Variants in GLIS1 observed in about 807,000 individuals in gnomAD.
GLIS1 encodes zinc finger protein GLIS1.
In GLIS1, 24 loss-of-function variants were observed where a neutral mutation model predicts 63.8. The ratio of observed to expected loss-of-function variants is 0.38; its 90% CI spans 0.27 to 0.53. The LOEUF is 0.53. GLIS1 is among the 20% of genes least tolerant of loss of function. GLIS1 has a pLI of 0.85. For missense variants in GLIS1, 1,036 were observed against 1,074.1 expected, an observed-to-expected ratio of 0.96 and a Z score of 0.50; for synonymous variants, 450 against 482.5, an observed-to-expected ratio of 0.93 and a Z score of 0.88.
intron 4 of GLIS1, among the ~76,000 whole-genome samples, chr1:53,565,730 A>G (rs1462564568): frequency 6.6e-6 from 1 of 152,084 alleles, no homozygotes; most frequent in East Asian, 1.9e-4. Flanking sequence ...AAATCTTTCC[A>G]CAAAGATAGT....
intron 2 of GLIS1, among the ~76,000 whole-genome samples, chr1:53,705,066 G>GA (rs981981708): frequency 6.6e-6 from 1 of 152,196 alleles, no homozygotes; most frequent in Non-Finnish European, 1.5e-5. Flanking sequence ...AAGAGTGAAG[G>GA]AGGCATTTTG....
At chr1:53,522,711 C>A (rs1036844842) in intron 6 of GLIS1, among the ~76,000 whole-genome samples, 1 of 151,988 alleles carries the variant, frequency 6.6e-6, no homozygotes, top group African/African-American at 2.4e-5. Context: ...GAGTTTGAAA[C>A]CAGCCTGGAC....
intron 8 of GLIS1, 55 bp downstream of exon 8, chr1:53,514,570 C>A: frequency 6.4e-7 from 1 of 1,565,336 alleles, no homozygotes; most frequent in South Asian, 1.1e-5. Context: ...CTCCCTGCCT[C>A]CCCCCGAGAT....
intron 8 of GLIS1, among the ~76,000 whole-genome samples, chr1:53,510,372 C>G (rs546101195): frequency 6.6e-6 from 1 of 152,124 alleles, no homozygotes; most frequent in Non-Finnish European, 1.5e-5. Flanking sequence ...GTTTCCTGGA[C>G]GGGCTGCTGG....
chr1:53,681,709 A>G (rs1646277121), intron 2 of GLIS1, among the ~76,000 whole-genome samples: 1 of 152,232 alleles, frequency 6.6e-6, no homozygotes, highest in Non-Finnish European at 1.5e-5. Flanking sequence ...CACCCCACAA[A>G]GACTTGTGAA....
intron 8 of GLIS1, among the ~76,000 whole-genome samples, chr1:53,513,230 G>A (rs1007539953): frequency 1.7e-4 from 26 of 152,138 alleles, no homozygotes; most frequent in African/African-American, 4.1e-4. Flanking sequence ...ACTGCCTTCC[G>A]GGCTCCCCCT....
chr1:53,602,330 C>T lies in GLIS1; in HGVS notation c.260-2052G>A, dbSNP rs559249478. On this transcript the variant is annotated intron_variant, in intron 2 of 10. Transcript: ENST00000628545. Reference sequence around the variant, plus strand: ...GTTTCTGCATGCAATTTTATTGTCCCATTGAGGCAAACCCTGGGACTGGGC... The same window carrying T: ...GTTTCTGCATGCAATTTTATTGTCCTATTGAGGCAAACCCTGGGACTGGGC... 5.9e-5 allele frequency among the ~76,000 whole-genome samples: 9 copies of T among 152,230 alleles called. No individual in the cohort carries two copies. In the East Asian group the frequency reaches 1.7e-3, roughly 29 times the overall value.
intron 5 of GLIS1, among the ~76,000 whole-genome samples, chr1:53,529,399 G>A (rs745841061): frequency 2.0e-5 from 3 of 152,200 alleles, no homozygotes; most frequent in Non-Finnish European, 2.9e-5. Context: ...TGGCTGACAG[G>A]TTCTGGGGAG....
rs545095265 is a variant in GLIS1, at chr1:53,675,741, G to A, written c.259+62065C>T. ...CTTATAGAGATGCAGCTCTCACACA[G>A]AGGCACAGAGCAGCAAAGTCCGGAC... is the stretch of plus-strand genomic sequence containing the variant. On this transcript the variant is annotated intron_variant, in intron 2 of 10. Transcript: ENST00000628545. 2.0e-5 allele frequency among the ~76,000 whole-genome samples: 3 copies of A among 152,280 alleles called. No homozygotes were observed. The East Asian group carries it at 5.8e-4, about 29-fold the overall frequency.
At chr1:53,716,789 T>C (rs1169588393) in intron 2 of GLIS1, among the ~76,000 whole-genome samples, 2 of 152,246 alleles carry the variant, frequency 1.3e-5, no homozygotes, top group East Asian at 3.9e-4. Context: ...GGGGGATTTC[T>C]AGAAACCGGC....
intron 2 of GLIS1, among the ~76,000 whole-genome samples, chr1:53,723,239 CT>C (rs111541690): frequency 0.25 from 35,894 of 141,152 alleles, 4,364 homozygotes; most frequent in African/African-American, 0.33. Flanking sequence ...TATTTATTTA[CT>C]TTTTTTTTTT....
Position 53,677,383 on chromosome 1 carries a change from G to A in GLIS1, c.259+60423C>T, listed in dbSNP as rs529863970. ...GCGGTACAGGCAGTGGGGATGGCGCGGGGGCAGGAATTCGAGTCTGCCAGG... is the reference window on the plus strand; with the variant it reads ...GCGGTACAGGCAGTGGGGATGGCGCAGGGGCAGGAATTCGAGTCTGCCAGG... On this transcript the variant is annotated intron_variant, in intron 2 of 10. Transcript: ENST00000628545. 5.9e-5 allele frequency among the ~76,000 whole-genome samples: 9 copies of A among 152,234 alleles called. No individual in the cohort carries two copies. In the South Asian group the frequency reaches 1.5e-3, roughly 25 times the overall value.
chr1:53,520,539 G>A (rs1316599573), intron 7 of GLIS1, 95 bp downstream of exon 7: 5 of 1,361,542 alleles, frequency 3.7e-6, no homozygotes, highest in Non-Finnish European at 4.8e-6. Context: ...TCATGCCCAT[G>A]TGGGCGGCCC....
chr1:53,674,708 G>A (rs1016818869), intron 2 of GLIS1, among the ~76,000 whole-genome samples: 2 of 152,208 alleles, frequency 1.3e-5, no homozygotes, highest in African/African-American at 4.8e-5. Context: ...ATGTAATGAA[G>A]TACTTGATGA....
In GLIS1 at chr1:53,653,082, G is replaced by A. The variant is rs898549327; in HGVS notation, c.260-52804C>T. On this transcript the variant is annotated intron_variant, in intron 2 of 10. Coordinates refer to ENST00000628545, the MANE Select transcript of GLIS1 (RefSeq NM_001367484.1). ...CTGATGGTGCATCTCCTGTGGGCAGGCCCTGTGGGCCCAAAGAGACAAACC... is the reference window on the plus strand; with the variant it reads ...CTGATGGTGCATCTCCTGTGGGCAGACCCTGTGGGCCCAAAGAGACAAACC... Among the ~76,000 whole-genome samples, 3 of 150,594 alleles carry A rather than the reference G, an allele frequency of 2.0e-5. No homozygotes were observed. The South Asian group carries it at 6.3e-4, about 31-fold the overall frequency.
chr1:53,691,073 A>G (rs543595563), intron 2 of GLIS1, among the ~76,000 whole-genome samples: 9 of 152,316 alleles, frequency 5.9e-5, no homozygotes, highest in African/African-American at 1.9e-4. Context: ...AGGAAGGGAG[A>G]GACCAGGCGC....
At position 53,633,929 on chromosome 1, in the gene GLIS1, C is replaced by T. The variant is rs561761538; in HGVS notation, c.260-33651G>A. Among the ~76,000 whole-genome samples, 3 of 152,308 alleles carry T rather than the reference C, an allele frequency of 2.0e-5. No homozygotes were observed. In the South Asian group the frequency reaches 6.2e-4, roughly 32 times the overall value. On this transcript the variant is annotated intron_variant, in intron 2 of 10. Coordinates refer to ENST00000628545, the MANE Select transcript of GLIS1 (RefSeq NM_001367484.1). ...ATGAGATCACGAATCCACCAGTGAA[C>T]AGAGAATCATGGCGGCTTCAGCCAA...
At chr1:53,679,143 C>T (rs115748317) in intron 2 of GLIS1, among the ~76,000 whole-genome samples, 143 of 152,254 alleles carry the variant, frequency 9.4e-4, no homozygotes, top group Non-Finnish European at 1.8e-3. Context: ...CTTCATCTCC[C>T]TCCACTACCT....
intron 2 of GLIS1, among the ~76,000 whole-genome samples, chr1:53,721,436 G>A (rs913008708): frequency 1.3e-5 from 2 of 152,118 alleles, no homozygotes; most frequent in Admixed American, 6.5e-5. Flanking sequence ...TAAACACCAC[G>A]TAAAGTTTAG....
Sources: gnomAD v4.1 joint callset for allele counts (sites outside exome capture counted in the v4.1 genomes callset) on GRCh38, gnomAD v4.1.1 for gene constraint, MANE v1.5 for transcripts, NCBI Gene and HGNC (gene_info 2026-07-23, HGNC 2026-07-21) for gene names.